The following ANKIB1 variants were observed in gnomAD, a reference collection of about 807,000 sequenced individuals.
The protein encoded by ANKIB1 is ankyrin repeat and IBR domain-containing protein 1.
Under a neutral mutation model 122.1 loss-of-function variants are expected in ANKIB1, and 43 were observed. The ratio of observed to expected loss-of-function variants is 0.35; its 90% CI spans 0.28 to 0.45. The LOEUF is 0.45. Among genes scored for constraint, ANKIB1 ranks in the 20% least tolerant of loss-of-function variants. The probability of loss-of-function intolerance (pLI) is 1.00; values close to 1 mark genes in which losing one functional copy is unlikely to be tolerated. For missense variants in ANKIB1, 992 were observed against 1,329.5 expected, an observed-to-expected ratio of 0.75 and a Z score of 3.95; for synonymous variants, 390 against 442.0, an observed-to-expected ratio of 0.88 and a Z score of 1.48.
intron 9 of ANKIB1, among the ~76,000 whole-genome samples, chr7:92,360,213 A>G (rs1428358333): frequency 6.6e-6 from 1 of 152,136 alleles, no homozygotes; most frequent in Admixed American, 6.5e-5. Flanking sequence ...ATAACCATTA[A>G]GCAGTAACTC....
chr7:92,327,951 C>A, intron 5 of ANKIB1, 51 bp downstream of exon 5: 2 of 1,263,472 alleles, frequency 1.6e-6, no homozygotes, highest in Non-Finnish European at 2.2e-6. Flanking sequence ...ACTTTTGAAA[C>A]TTCTGAGTTT....
Position 92,400,120 on chromosome 7 carries a change from A to C in ANKIB1, c.*1171A>C, listed in dbSNP as rs574837784. The C allele has an allele frequency of 6.6e-6, 1 of 152,232 alleles. No individual in the cohort carries two copies. Among genetic ancestry groups the C allele is most frequent in the Non-Finnish European group, 1.5e-5 (1 of 68,036 alleles). The allele number at this position is 152,232 out of a possible 1,614,324, so 9.4% of individuals were successfully genotyped here. A position where few individuals can be genotyped will look rare whatever the true frequency, so the allele number is the denominator to read the frequency against. On this transcript the variant is annotated 3_prime_UTR_variant, in exon 20 of 20. Coordinates refer to ENST00000265742, the MANE Select transcript of ANKIB1 (RefSeq NM_019004.2). ...TATGCTATGAATTGCAAAGACCTCC[A>C]TAAAACCACCCATGGCCTTGCTTTT...
chr7:92,336,086 T>G (rs1803281324), intron 5 of ANKIB1, among the ~76,000 whole-genome samples: 1 of 152,106 alleles, frequency 6.6e-6, no homozygotes, highest in Non-Finnish European at 1.5e-5. Flanking sequence ...ATGCTATCAT[T>G]ATTATAGTAC....
intron 18 of ANKIB1, among the ~76,000 whole-genome samples, 170 bp from the exon 19 acceptor site, chr7:92,397,553 G>A (rs1216257802): frequency 6.6e-6 from 1 of 151,812 alleles, no homozygotes; most frequent in African/African-American, 2.4e-5. Flanking sequence ...ATTCTTCATG[G>A]TAAGACAAAT....
At chr7:92,258,560 G>C (rs1179893661) in intron 1 of ANKIB1, among the ~76,000 whole-genome samples, 3 of 152,130 alleles carry the variant, frequency 2.0e-5, no homozygotes, top group African/African-American at 7.2e-5. Context: ...TCTTAGAATG[G>C]TACTGGTTAT....
chr7:92,351,009 A>G lies in ANKIB1; in HGVS notation c.1145A>G (p.Asp382Gly). The change falls in exon 8 of 20, where the codon GAT (aspartate) becomes GGT (glycine). Residue 382 changes from aspartate (D) to glycine (G), a missense_variant. Physicochemically the swap from Asp to Gly is moderately conservative, Grantham distance 94. Around this residue, in one of 4 missense-constraint regions of ANKIB1, gnomAD observed 521 missense variants for 777.7 expected, o/e 0.67. Coordinates refer to ENST00000265742, the MANE Select transcript of ANKIB1 (RefSeq NM_019004.2). ...EAHNIFCPAY[D>G]CFQLVPVDII... ...CACAACATTTTTTGCCCTGCATATGATTGCTTCCAACTTGTACCTGTGGAT... is the reference window on the plus strand; with the variant it reads ...CACAACATTTTTTGCCCTGCATATGGTTGCTTCCAACTTGTACCTGTGGAT... The G allele has an allele frequency of 6.2e-7, 1 of 1,606,070 alleles. No individual in the cohort carries two copies. Among genetic ancestry groups the G allele is most frequent in the South Asian group, 1.1e-5 (1 of 89,236 alleles).
chr7:92,356,670 A>C (rs1414350680), intron 9 of ANKIB1, among the ~76,000 whole-genome samples: 1 of 152,238 alleles, frequency 6.6e-6, no homozygotes, highest in Non-Finnish European at 1.5e-5. Flanking sequence ...CTCCTAAAAT[A>C]ATATGATAAA....
Position 92,375,585 on chromosome 7 carries a change from G to A in ANKIB1, c.1617+3978G>A, listed in dbSNP as rs1445286310. ...GTCACATCTTCAGGCTGCACTTCCAGTTCTTTTGCTATTTCTACCACATCT... is the reference window on the plus strand; with the variant it reads ...GTCACATCTTCAGGCTGCACTTCCAATTCTTTTGCTATTTCTACCACATCT... On this transcript the variant is annotated intron_variant, in intron 11 of 19. Transcript: ENST00000265742. Among the ~76,000 whole-genome samples, 6 of 152,172 alleles carry A rather than the reference G, an allele frequency of 3.9e-5. 1 individual carries two copies.
intron 11 of ANKIB1, among the ~76,000 whole-genome samples, chr7:92,376,452 ATT>A (rs548431066): frequency 3.7e-5 from 5 of 135,838 alleles, no homozygotes; most frequent in Non-Finnish European, 3.2e-5. Flanking sequence ...TTTATTTTTT[ATT>A]TTTTTTTTTT....
chr7:92,287,745 A>G (rs1451274351), intron 1 of ANKIB1, among the ~76,000 whole-genome samples: 3 of 151,296 alleles, frequency 2.0e-5, no homozygotes, highest in South Asian at 4.2e-4. Context: ...ATATAAAAGG[A>G]AAAAAAAAGG....
Position 92,396,333 on chromosome 7 carries a change from CTCTTGTATTTTATAACCT to C in ANKIB1, c.2284-30_2284-13del, listed in dbSNP as rs754061751. 8.4e-7 allele frequency: 1 copy of C among 1,197,262 alleles called. No individual in the cohort carries two copies. Among genetic ancestry groups the C allele is most frequent in the South Asian group, 1.3e-5 (1 of 75,200 alleles). The allele number at this position is 1,197,262 out of a possible 1,614,324, so 74.2% of individuals were successfully genotyped here. A position where few individuals can be genotyped will look rare whatever the true frequency, so the allele number is the denominator to read the frequency against. On this transcript the variant is annotated splice_polypyrimidine_tract_variant and intron_variant, in intron 17 of 19. Coordinates refer to ENST00000265742, the MANE Select transcript of ANKIB1 (RefSeq NM_019004.2). Reference sequence around the variant, plus strand: ...ATTTGCATTTTAAAAATTGCATGCTCTCTTGTATTTTATAACCTTTGGTTTATGCAGGAATATGCTGAA... The same window carrying C: ...ATTTGCATTTTAAAAATTGCATGCTCTTGGTTTATGCAGGAATATGCTGAA...
intron 11 of ANKIB1, among the ~76,000 whole-genome samples, chr7:92,378,876 C>A (rs558911077): frequency 6.6e-6 from 1 of 152,152 alleles, no homozygotes; most frequent in Non-Finnish European, 1.5e-5. Flanking sequence ...TAATAACCTT[C>A]GTGTGTATCA....
At chr7:92,288,230 A>G (rs1802176494) in intron 1 of ANKIB1, among the ~76,000 whole-genome samples, 1 of 152,162 alleles carries the variant, frequency 6.6e-6, no homozygotes, top group African/African-American at 2.4e-5. Flanking sequence ...GGCATTTGAC[A>G]TTTTCTAAAG....
chr7:92,279,418 A>G (rs1801973429), intron 1 of ANKIB1, among the ~76,000 whole-genome samples: 1 of 152,208 alleles, frequency 6.6e-6, no homozygotes. Flanking sequence ...AATCAGAAAT[A>G]TAGAGTCGAT....
At chr7:92,374,322 C>G (rs567934828) in intron 11 of ANKIB1, among the ~76,000 whole-genome samples, 2 of 151,962 alleles carry the variant, frequency 1.3e-5, no homozygotes, top group Admixed American at 1.3e-4. Context: ...ACTAAAAATA[C>G]AAAAAATTGT....
chr7:92,281,927 C>A (rs1802018554), intron 1 of ANKIB1, among the ~76,000 whole-genome samples: 2 of 152,090 alleles, frequency 1.3e-5, no homozygotes, highest in Admixed American at 6.6e-5. Flanking sequence ...AGAGAGAAAT[C>A]AGTTCCCCAA....
chr7:92,309,008 G>C (rs1802629761), intron 3 of ANKIB1, among the ~76,000 whole-genome samples: 2 of 152,052 alleles, frequency 1.3e-5, no homozygotes, highest in East Asian at 3.8e-4. Context: ...CCAAAAATAT[G>C]AATGTTCATT....
chr7:92,352,376 C>T, intron 8 of ANKIB1, 100 bp from the exon 9 acceptor site: 1 of 1,246,856 alleles, frequency 8.0e-7, no homozygotes. Flanking sequence ...CACTCTTTTT[C>T]TTTCTTTGCT....
At chr7:92,396,879 C>A (rs77160063) in intron 18 of ANKIB1, among the ~76,000 whole-genome samples, 1,538 of 152,210 alleles carry the variant, frequency 0.01, 32 homozygotes, top group South Asian at 0.081. Flanking sequence ...GTTTTGTGTT[C>A]ATGGAATATT....
Sources: allele counts gnomAD v4.1 joint callset (sites outside exome capture counted in the v4.1 genomes callset), GRCh38; gene constraint gnomAD v4.1.1; regional missense constraint gnomAD v4.1.1; transcripts MANE v1.5; gene names NCBI Gene and HGNC (gene_info 2026-07-23, HGNC 2026-07-21).